The following NSG2 variants were observed in gnomAD, a reference collection of about 807,000 sequenced individuals.
NSG2 encodes the protein neuronal vesicle trafficking associated 2.
NSG2 carries 4 observed loss-of-function variants against 16.9 expected under a neutral mutation model. That is an observed-to-expected ratio of 0.24 (90% CI 0.12 to 0.54). The LOEUF (loss-of-function observed/expected upper bound fraction) is 0.54, where lower values mean the gene tolerates loss of function less well. NSG2 is among the 20% of genes least tolerant of loss of function. The probability of loss-of-function intolerance (pLI) is 0.95; values close to 1 mark genes in which losing one functional copy is unlikely to be tolerated. For missense variants in NSG2, 179 were observed against 221.1 expected (o/e 0.81, Z 1.21); for synonymous variants, 98 against 88.7 (o/e 1.11, Z -0.59).
intron 3 of NSG2, chr5:174,066,296 G>C: frequency 2.2e-6 from 1 of 455,844 alleles, no homozygotes; most frequent in South Asian, 1.5e-5. Context: ...GCATGAATGA[G>C]CACAGAGCTT....
At chr5:174,103,697 A>G (rs1170035862) in intron 3 of NSG2, among the ~76,000 whole-genome samples, 2 of 152,188 alleles carry the variant, frequency 1.3e-5, no homozygotes, top group Admixed American at 1.3e-4. Flanking sequence ...CTGTAATCCT[A>G]GTACTTTGAG....
At chr5:174,071,518 T>G (rs530984994) in intron 3 of NSG2, among the ~76,000 whole-genome samples, 1 of 152,286 alleles carries the variant, frequency 6.6e-6, no homozygotes, top group Non-Finnish European at 1.5e-5. Context: ...CCAGTGTCAG[T>G]GGGCTATTAT....
At position 174,107,490 on chromosome 5, in the gene NSG2, G is replaced by A; in HGVS notation, c.501G>A (p.Lys167=). The A allele has an allele frequency of 6.2e-7, 1 of 1,609,614 alleles. No individual in the cohort carries two copies. The highest frequency in any genetic ancestry group is 8.5e-7 in the Non-Finnish European group (1 of 1,176,818). ...TCATCCATGAGCCCAAGCCGCCCAA[G>A]ACCCAGGGCCACTAGAGGCCTGCCC... ...AAVIHEPKPP[K]TQGH is the part of the protein sequence containing the mutation. The change falls in exon 5 of 5, where the codon AAG becomes AAA. Residue 167 remains lysine (K), a synonymous_variant. Transcript: ENST00000303177. The surrounding 1 kb of genome is among the most constrained non-coding windows in gnomAD (Gnocchi z 4.5).
In NSG2 at chr5:174,076,233, C is replaced by G. The variant is rs114974288; in HGVS notation, c.213+11918C>G. On this transcript the variant is annotated intron_variant, in intron 3 of 4. Coordinates refer to ENST00000303177, the MANE Select transcript of NSG2 (RefSeq NM_015980.5). ...CACAGCGCCCGGCATGCAGTAGCCC[C>G]TAAAATAGACGGGACACATTCCCCT... Among the ~76,000 whole-genome samples, 1,331 of 152,220 alleles carry G rather than the reference C, an allele frequency of 8.7e-3. 21 individuals are homozygous for G. Among genetic ancestry groups the G allele is most frequent in the African/African-American group, 0.03 (1,264 of 41,520 alleles).
intron 3 of NSG2, among the ~76,000 whole-genome samples, chr5:174,082,817 A>G (rs996849124): frequency 2.0e-5 from 3 of 152,204 alleles, no homozygotes; most frequent in Non-Finnish European, 1.5e-5. Context: ...GATTATTTTT[A>G]GAGCCCTTGA....
rs565240153 is a variant in NSG2 at position 174,051,760 on chromosome 5, A to G, written c.129+4876A>G. ...ATACACATAAAAGCATATAGATGCA[A>G]ATTGTGAGAAGGGCTATTAAGGAAA... On this transcript the variant is annotated intron_variant, in intron 2 of 4. Coordinates refer to ENST00000303177, the MANE Select transcript of NSG2 (RefSeq NM_015980.5). 5.3e-5 allele frequency among the ~76,000 whole-genome samples: 8 copies of G among 152,356 alleles called. No homozygotes were observed. The South Asian group carries it at 1.7e-3, about 32-fold the overall frequency.
At chr5:174,057,952 T>C (rs1286375479) in intron 2 of NSG2, among the ~76,000 whole-genome samples, 1 of 152,044 alleles carries the variant, frequency 6.6e-6, no homozygotes, top group African/African-American at 2.4e-5. Flanking sequence ...TATATTGGGG[T>C]AGAGGCCGTG....
chr5:174,096,879 G>A (rs1760802010), intron 3 of NSG2, among the ~76,000 whole-genome samples: 1 of 152,144 alleles, frequency 6.6e-6, no homozygotes, highest in South Asian at 2.1e-4. Context: ...GCTGAGGCTG[G>A]TCAGGGGCAT....
intron 2 of NSG2, among the ~76,000 whole-genome samples, chr5:174,050,889 C>T (rs573552211): frequency 6.6e-6 from 1 of 152,226 alleles, no homozygotes; most frequent in Admixed American, 6.5e-5. Context: ...TCCACACTGC[C>T]CCCAAGCCTC....
intron 2 of NSG2, among the ~76,000 whole-genome samples, chr5:174,052,127 T>G (rs1240067102): frequency 1.3e-5 from 2 of 152,186 alleles, no homozygotes; most frequent in Non-Finnish European, 2.9e-5. Context: ...CCTCTACTTC[T>G]TTCTGTCCAA....
At chr5:174,065,828 A>G (rs1760129704) in intron 3 of NSG2, among the ~76,000 whole-genome samples, 1 of 152,220 alleles carries the variant, frequency 6.6e-6, no homozygotes, top group African/African-American at 2.4e-5. Flanking sequence ...CAAGCGAGTC[A>G]CTAAGCCTCA....
chr5:174,062,609 C>G (rs550710482), intron 2 of NSG2: 1 of 152,254 alleles, frequency 6.6e-6, no homozygotes, highest in Admixed American at 6.5e-5. Flanking sequence ...GGGCAGGAAA[C>G]AACAGCAGAA....
At chr5:174,047,660 G>T (rs1252092524) in intron 2 of NSG2, among the ~76,000 whole-genome samples, 1 of 152,180 alleles carries the variant, frequency 6.6e-6, no homozygotes, top group Non-Finnish European at 1.5e-5. Flanking sequence ...TTGGGGAGGC[G>T]TGGCTGGAAA....
intron 3 of NSG2, among the ~76,000 whole-genome samples, chr5:174,067,876 G>A (rs981934332): frequency 3.9e-5 from 6 of 152,084 alleles, no homozygotes; most frequent in Non-Finnish European, 8.8e-5. Context: ...TTGGTGTTTG[G>A]CTTGTCTACC....
At chr5:174,080,319 A>T (rs549507725) in intron 3 of NSG2, among the ~76,000 whole-genome samples, 139 of 148,756 alleles carry the variant, frequency 9.3e-4, no homozygotes, top group Non-Finnish European at 1.6e-3. Flanking sequence ...TATATATATA[A>T]AATGTTATAT....
At chr5:174,058,963 G>A (rs1172812189) in intron 2 of NSG2, among the ~76,000 whole-genome samples, 4 of 152,166 alleles carry the variant, frequency 2.6e-5, no homozygotes, top group African/African-American at 7.2e-5. Flanking sequence ...TGAGGAGTGA[G>A]GACCTGAAGC....
At chr5:174,080,469 T>TTCTTTCTTTCCC (rs1453079371) in intron 3 of NSG2, among the ~76,000 whole-genome samples, 1 of 151,326 alleles carries the variant, frequency 6.6e-6, no homozygotes, top group African/African-American at 2.4e-5. Context: ...TATTGAGATT[T>TTCTTTCTTTCCC]TCTTTCTTTC....
Position 174,107,682 on chromosome 5 carries a change from G to T in NSG2, c.*177G>T, listed in dbSNP as rs1341572553. The T allele has an allele frequency of 1.1e-5, 8 of 729,276 alleles. No homozygotes were observed. In the Admixed American group the frequency reaches 1.4e-4, roughly 13 times the overall value. The allele number at this position is 729,276 out of a possible 1,614,324, so 45.2% of individuals were successfully genotyped here. Reference sequence around the variant, plus strand: ...GGTGTGTGCTGGAGTTGTCTGAACCGATATTTCTTTTTGTTCCTTGGTATT... The same window carrying T: ...GGTGTGTGCTGGAGTTGTCTGAACCTATATTTCTTTTTGTTCCTTGGTATT... On this transcript the variant is annotated 3_prime_UTR_variant, in exon 5 of 5. Transcript: ENST00000303177. This position sits in a 1 kb window ranked among gnomAD's most constrained non-coding sequence, Gnocchi z 4.5.
chr5:174,104,194 T>C (rs561836623), intron 3 of NSG2, 34 bp from the exon 4 acceptor site: 1 of 1,518,764 alleles, frequency 6.6e-7, no homozygotes, highest in South Asian at 1.1e-5. Flanking sequence ...GTGGGCAGAC[T>C]GAGGCTGGAT....
Sources: gnomAD v4.1 joint callset for allele counts (sites outside exome capture counted in the v4.1 genomes callset) on GRCh38, gnomAD v4.1.1 for gene constraint, Gnocchi (gnomAD v3.1) non-coding constraint, MANE v1.5 for transcripts, NCBI Gene and HGNC (gene_info 2026-07-23, HGNC 2026-07-21) for gene names.